Variants in CPNE4 observed in about 807,000 individuals in gnomAD.
CPNE4 encodes copine-4.
A neutral mutation model predicts 67.9 loss-of-function variants in CPNE4; 25 were observed. The observed-to-expected ratio is 0.37, with a 90% CI of 0.27 to 0.51. The LOEUF is 0.51. CPNE4 is among the 20% of genes least tolerant of loss of function. CPNE4 has a pLI of 0.93. For missense variants in CPNE4, 464 were observed against 690.8 expected, an observed-to-expected ratio of 0.67 and a Z score of 3.68; for synonymous variants, 242 against 244.9, an observed-to-expected ratio of 0.99 and a Z score of 0.11.
chr3:131,848,982 A>AAC (rs1319261337), intron 2 of CPNE4, among the ~76,000 whole-genome samples: 1 of 139,508 alleles, frequency 7.2e-6, no homozygotes, highest in South Asian at 2.3e-4. Flanking sequence ...AAAAAAAAAA[A>AAC]CACAGAGATA....
chr3:131,799,352 G>A (rs537177269), intron 2 of CPNE4, among the ~76,000 whole-genome samples: 1 of 152,146 alleles, frequency 6.6e-6, no homozygotes, highest in East Asian at 1.9e-4. Flanking sequence ...GGCACCCAAG[G>A]AATTGGGTTA....
At chr3:131,715,013 A>C (rs906777413) in intron 3 of CPNE4, among the ~76,000 whole-genome samples, 1 of 126,852 alleles carries the variant, frequency 7.9e-6, no homozygotes, top group African/African-American at 2.8e-5. Context: ...AGAGAAGATG[A>C]CTTCACACAG....
chr3:131,842,878 G>A (rs2085847515), intron 2 of CPNE4, among the ~76,000 whole-genome samples: 1 of 151,948 alleles, frequency 6.6e-6, no homozygotes, highest in South Asian at 2.1e-4. Flanking sequence ...AGTGTTCCAC[G>A]ATAGGAAAAA....
chr3:131,666,179 C>T (rs529837137), intron 7 of CPNE4, among the ~76,000 whole-genome samples: 3 of 152,072 alleles, frequency 2.0e-5, no homozygotes, highest in African/African-American at 7.2e-5. Flanking sequence ...GTAGAAGAGA[C>T]AGGAATGGAA....
chr3:131,873,844 T>G (rs1380875790), intron 2 of CPNE4, among the ~76,000 whole-genome samples: 1 of 152,158 alleles, frequency 6.6e-6, no homozygotes, highest in Non-Finnish European at 1.5e-5. Context: ...GGCTTCCTCT[T>G]TCACTACCTG....
intron 7 of CPNE4, among the ~76,000 whole-genome samples, chr3:131,610,341 A>G (rs1939762754): frequency 6.6e-6 from 1 of 152,210 alleles, no homozygotes; most frequent in Non-Finnish European, 1.5e-5. Flanking sequence ...TGAAGCAGAT[A>G]CTATCAATAT....
chr3:131,655,162 T>C (rs2079919543), intron 7 of CPNE4, among the ~76,000 whole-genome samples: 1 of 152,244 alleles, frequency 6.6e-6, no homozygotes, highest in Non-Finnish European at 1.5e-5. Context: ...ATATGAATCA[T>C]GCTTTACGCA....
rs1235042959 is a variant in CPNE4, at chr3:131,881,556, ATAT to A, written c.180+23705_180+23707del. ...GCTGGAAGGTATTGACAATTCTCTA[ATAT>A]TATTATTCACTAAACTACAATCTGG... On this transcript the variant is annotated intron_variant, in intron 2 of 15. Coordinates refer to ENST00000429747, the MANE Select transcript of CPNE4 (RefSeq NM_130808.3). Among the ~76,000 whole-genome samples the A allele has an allele frequency of 3.3e-5, 5 of 152,084 alleles. No individual in the cohort carries two copies. In the East Asian group the frequency reaches 9.7e-4, roughly 29 times the overall value.
intron 7 of CPNE4, among the ~76,000 whole-genome samples, chr3:131,635,760 A>C (rs1003994509): frequency 2.0e-5 from 3 of 152,192 alleles, no homozygotes; most frequent in African/African-American, 4.8e-5. Context: ...ACTAGCTTGC[A>C]GCTCCTGCTT....
chr3:131,864,341 T>A (rs2107676829), intron 2 of CPNE4, among the ~76,000 whole-genome samples: 1 of 152,326 alleles, frequency 6.6e-6, no homozygotes, highest in East Asian at 1.9e-4. Flanking sequence ...CCCATGATCA[T>A]GGAATGTTCT....
chr3:131,961,694 A>G (rs920026567), intron 1 of CPNE4, among the ~76,000 whole-genome samples: 1 of 152,210 alleles, frequency 6.6e-6, no homozygotes, highest in Non-Finnish European at 1.5e-5. Context: ...CTAGAGGACT[A>G]AAGATAGAAC....
intron 7 of CPNE4, among the ~76,000 whole-genome samples, chr3:131,644,691 T>A (rs1156338408): frequency 6.6e-6 from 1 of 152,182 alleles, no homozygotes; most frequent in East Asian, 1.9e-4. Context: ...AAGCAACTGA[T>A]TGATTCTGTG....
intron 1 of CPNE4, among the ~76,000 whole-genome samples, chr3:131,978,093 A>ATATATATT (rs1560720230): frequency 1.1e-3 from 61 of 53,218 alleles, no homozygotes; most frequent in Non-Finnish European, 1.5e-3. Flanking sequence ...ATATAAATAT[A>ATATATATT]TATATAAATA....
intron 2 of CPNE4, among the ~76,000 whole-genome samples, chr3:131,891,908 AC>A (rs1429262011): frequency 4.6e-5 from 7 of 152,232 alleles, no homozygotes; most frequent in African/African-American, 9.6e-5. Flanking sequence ...ACAAAAAGAG[AC>A]AAAAACAACC....
chr3:131,685,876 T>C lies in CPNE4; in HGVS notation c.590A>G (p.Glu197Gly), dbSNP rs1178162753. The change falls in exon 6 of 16, where the codon GAG becomes GGG. Residue 197 changes from glutamate to glycine, a missense_variant and splice_region_variant. Physicochemically the swap from Glu to Gly is moderately conservative, Grantham distance 98. Around this residue, in one of 6 missense-constraint regions of CPNE4, gnomAD observed 58 missense variants for 63.5 expected, o/e 0.91. Transcript: ENST00000429747. ...DATQQLVHRTEVVMNNLSPAW... is the reference protein window; with the variant it reads ...DATQQLVHRTGVVMNNLSPAW... ...GGCATAGCTGAAGATGACTCTTACC[T>C]CAGTTCGGTGCACCAGCTGCTGAGT... 2.5e-6 allele frequency: 4 copies of C among 1,608,116 alleles called. No homozygotes were observed. The highest frequency in any genetic ancestry group is 3.4e-6 in the Non-Finnish European group (4 of 1,174,762).
At chr3:131,780,836 G>C (rs569551545) in intron 2 of CPNE4, among the ~76,000 whole-genome samples, 1 of 151,898 alleles carries the variant, frequency 6.6e-6, no homozygotes, top group South Asian at 2.1e-4. Context: ...ACCTAAAATA[G>C]AAGTTGGAAA....
intron 10 of CPNE4, among the ~76,000 whole-genome samples, chr3:131,566,025 G>A (rs931835497): frequency 6.6e-6 from 1 of 151,882 alleles, no homozygotes; most frequent in Non-Finnish European, 1.5e-5. Context: ...GGGTAACAGG[G>A]CTTGGAGTTG....
At chr3:131,843,687 A>C (rs562804467) in intron 2 of CPNE4, among the ~76,000 whole-genome samples, 1 of 152,218 alleles carries the variant, frequency 6.6e-6, no homozygotes, top group East Asian at 1.9e-4. Context: ...CGTCAGTTTT[A>C]TTTTGTGCTA....
chr3:131,536,415 G>A (rs1413049125), intron 15 of CPNE4, among the ~76,000 whole-genome samples: 4 of 152,202 alleles, frequency 2.6e-5, no homozygotes, highest in Non-Finnish European at 5.9e-5. Context: ...TCAATGGCCT[G>A]AGCCTCATTA....
Sources: gnomAD v4.1 joint callset for allele counts (sites outside exome capture counted in the v4.1 genomes callset) on GRCh38, gnomAD v4.1.1 for gene constraint, gnomAD v4.1.1 regional missense constraint, MANE v1.5 for transcripts, NCBI Gene and HGNC (gene_info 2026-07-23, HGNC 2026-07-21) for gene names.